ZMYM1: variants seen among roughly 807,000 people sequenced by gnomAD.
The protein encoded by ZMYM1 is zinc finger MYM-type containing 1, also known as zinc finger MYM-type protein 1.
Under a neutral mutation model 60.0 loss-of-function variants are expected in ZMYM1, and 39 were observed. That is an observed-to-expected ratio of 0.65 (90% CI 0.50 to 0.85). ZMYM1 has a LOEUF of 0.85. Ranked by LOEUF, ZMYM1 falls within the 40% of genes least tolerant of loss-of-function variation. The pLI is 0.00. For missense variants in ZMYM1, 1,171 were observed against 1,309.5 expected (o/e 0.89, Z 1.63); for synonymous variants, 413 against 454.0 (o/e 0.91, Z 1.15).
Position 35,098,832 on chromosome 1 carries a change from G to A in ZMYM1, c.419+1266G>A, listed in dbSNP as rs557933846. On this transcript the variant is annotated intron_variant, in intron 4 of 9. Transcript: ENST00000359858. ...TGAAGCAGGACAATTGCTTGAACCC[G>A]GGAGGCTAAAGTTGCAGTAAGCTGA... 4.6e-5 allele frequency among the ~76,000 whole-genome samples: 7 copies of A among 152,040 alleles called. No individual in the cohort carries two copies. The East Asian group carries it at 5.8e-4, about 13-fold the overall frequency.
At chr1:35,100,450 T>C (rs976232538) in intron 4 of ZMYM1, among the ~76,000 whole-genome samples, 16 of 151,814 alleles carry the variant, frequency 1.1e-4, no homozygotes, top group African/African-American at 3.6e-4. Context: ...CACAAATCCC[T>C]GTCTCTACTA....
rs1248686076 is a variant in ZMYM1 at position 35,096,564 on chromosome 1, G to A, written c.169+673G>A. On this transcript the variant is annotated intron_variant, in intron 3 of 9. Transcript: ENST00000359858. ...TTTTTTTTTCTGAGATGGAGTTTCC[G>A]CTCTTGTTGCCCAGGCTGGAGTGCA... 8.7e-5 allele frequency among the ~76,000 whole-genome samples: 13 copies of A among 148,742 alleles called. No individual in the cohort carries two copies. The South Asian group carries it at 1.9e-3, about 22-fold the overall frequency.
intron 1 of ZMYM1, among the ~76,000 whole-genome samples, chr1:35,085,172 G>C (rs142835874): frequency 0.031 from 4,708 of 151,306 alleles, 257 homozygotes; most frequent in African/African-American, 0.11. Context: ...CTCAGCCTCC[G>C]AAGTAGCTGG....
Position 35,111,893 on chromosome 1 carries a change from G to T in ZMYM1, c.1083G>T (p.Met361Ile). 6.3e-7 allele frequency: 1 copy of T among 1,591,614 alleles called. No individual in the cohort carries two copies. Among genetic ancestry groups the T allele is most frequent in the Non-Finnish European group, 8.6e-7 (1 of 1,166,872 alleles). ...ACACCGATGTTGCCTTGCCCATCAT[G>T]AACACTGATGTCTTACAAGGTAAAA... ...LADTDVALPIMNTDVLQDTVS... is the reference protein window; with the variant it reads ...LADTDVALPIINTDVLQDTVS... Residue 361 changes from methionine to isoleucine, a missense_variant, in exon 8 of 10, where the codon ATG (methionine) becomes ATT (isoleucine). Coordinates refer to ENST00000359858, the MANE Select transcript of ZMYM1 (RefSeq NM_024772.5).
At chr1:35,095,954 T>C (rs1440594196) in intron 3 of ZMYM1, 63 bp downstream of exon 3, 13 of 1,204,244 alleles carry the variant, frequency 1.1e-5, no homozygotes, top group Non-Finnish European at 1.6e-5. Context: ...ATTCATTCTT[T>C]TTTAATGCCT....
At chr1:35,084,180 C>CTTT (rs934685708) in intron 1 of ZMYM1, among the ~76,000 whole-genome samples, 1 of 142,624 alleles carries the variant, frequency 7.0e-6, no homozygotes, top group Non-Finnish European at 1.5e-5. Flanking sequence ...TTCCATTTAA[C>CTTT]TTTTTTTTTT....
At chr1:35,064,601 CTG>C (rs1641936434) in intron 1 of ZMYM1, among the ~76,000 whole-genome samples, 1 of 151,394 alleles carries the variant, frequency 6.6e-6, no homozygotes, top group Non-Finnish European at 1.5e-5. Flanking sequence ...AACATTTTCC[CTG>C]GTCATAAAGA....
At chr1:35,094,135 A>G (rs758056912) in intron 2 of ZMYM1, 52 bp downstream of exon 2, 1 of 1,499,026 alleles carries the variant, frequency 6.7e-7, no homozygotes, top group Admixed American at 2.0e-5. Flanking sequence ...TTAACTATAA[A>G]TTTTAGTTAC....
chr1:35,073,280 G>A, intron 1 of ZMYM1, among the ~76,000 whole-genome samples: 6 of 107,138 alleles, frequency 5.6e-5, no homozygotes, highest in South Asian at 2.8e-4. Flanking sequence ...AAAGAAAGAA[G>A]GAAGGAAAGG....
At chr1:35,072,990 G>T (rs1642094640) in intron 1 of ZMYM1, among the ~76,000 whole-genome samples, 2 of 151,992 alleles carry the variant, frequency 1.3e-5, no homozygotes, top group Admixed American at 6.6e-5. Context: ...GCTGAGGCAG[G>T]AGAATCACTT....
downstream of ZMYM1, among the ~76,000 whole-genome samples, chr1:35,116,173 T>C (rs1644247186): frequency 6.6e-6 from 1 of 152,190 alleles, no homozygotes. Flanking sequence ...AATTTGAGGC[T>C]GCAGTGAGCC....
chr1:35,112,230 T>G, intron 9 of ZMYM1, 100 bp downstream of exon 9: 1 of 1,204,378 alleles, frequency 8.3e-7, no homozygotes, highest in Non-Finnish European at 1.2e-6. Context: ...CAAGCTGGAG[T>G]GCAGTGGCGT....
intron 4 of ZMYM1, among the ~76,000 whole-genome samples, chr1:35,097,818 A>AT (rs1557674813): frequency 6.6e-6 from 1 of 151,656 alleles, no homozygotes; most frequent in African/African-American, 2.4e-5. Context: ...CTAATTTTGT[A>AT]TTTTTTAGTA....
At chr1:35,061,389 T>C (rs1376474890) in intron 1 of ZMYM1, among the ~76,000 whole-genome samples, 1 of 152,222 alleles carries the variant, frequency 6.6e-6, no homozygotes, top group Non-Finnish European at 1.5e-5. Flanking sequence ...CCCAATCATG[T>C]ATCATCAGAA....
Position 35,097,416 on chromosome 1 carries a change from C to A in ZMYM1, c.269C>A (p.Ala90Asp). Residue 90 changes from alanine to aspartate, a missense_variant, in exon 4 of 10, where the codon GCT becomes GAT. By Grantham distance (126) the Ala-to-Asp change is moderately radical. Transcript: ENST00000359858. The stretch of plus-strand genomic sequence containing the variant: ...ACCACAGCTATTCAGGTTTCCTGTG[C>A]TGGTTGTAAAAAAATTCTCCAGAAG... ...VSTTAIQVSCAGCKKILQKGQ... is the reference protein window; with the variant it reads ...VSTTAIQVSCDGCKKILQKGQ... 6.2e-7 allele frequency: 1 copy of A among 1,614,040 alleles called. No individual in the cohort carries two copies. Among genetic ancestry groups the A allele is most frequent in the Non-Finnish European group, 8.5e-7 (1 of 1,180,000 alleles).
In ZMYM1 at chr1:35,104,522, CAG is replaced by C. The variant is rs780927697; in HGVS notation, c.595-32_595-31del. Reference sequence around the variant, plus strand: ...GATTCTGATGATTCTGCTTAAATATCAGAGTTTTTACTGAATCTTTTTATTAA... The same window carrying C: ...GATTCTGATGATTCTGCTTAAATATCAGTTTTTACTGAATCTTTTTATTAA... On this transcript the variant is annotated intron_variant, in intron 5 of 9. Coordinates refer to ENST00000359858, the MANE Select transcript of ZMYM1 (RefSeq NM_024772.5). The C allele has an allele frequency of 4.3e-6, 7 of 1,611,586 alleles. No homozygotes were observed. The African/African-American group carries it at 6.7e-5, about 15-fold the overall frequency.
At chr1:35,118,711 A>G (rs937042332), downstream of ZMYM1, among the ~76,000 whole-genome samples, 38 of 152,190 alleles carry the variant, frequency 2.5e-4, no homozygotes, top group Non-Finnish European at 5.9e-5. Context: ...CATCTCAAAA[A>G]AAAAATCGAG....
intron 1 of ZMYM1, among the ~76,000 whole-genome samples, chr1:35,065,161 G>C (rs906547299): frequency 5.9e-5 from 9 of 151,908 alleles, no homozygotes; most frequent in Non-Finnish European, 1.3e-4. Context: ...TTTATATGTA[G>C]GTTTTCTCCC....
intron 1 of ZMYM1, among the ~76,000 whole-genome samples, chr1:35,073,419 C>T (rs968546327): frequency 2.0e-5 from 3 of 146,386 alleles, no homozygotes; most frequent in Non-Finnish European, 3.0e-5. Flanking sequence ...CTTTTTTAGC[C>T]AGGTATGTTG....
Sources: allele counts gnomAD v4.1 joint callset (sites outside exome capture counted in the v4.1 genomes callset), GRCh38; gene constraint gnomAD v4.1.1; transcripts MANE v1.5; gene names NCBI Gene and HGNC (gene_info 2026-07-23, HGNC 2026-07-21).